Variants in GALNT9 observed in about 807,000 individuals in gnomAD.
GALNT9 encodes the protein GalNAc transferase 9.
Under a neutral mutation model 63.1 loss-of-function variants are expected in GALNT9, and 47 were observed. The ratio of observed to expected loss-of-function variants is 0.75; its 90% CI spans 0.59 to 0.95. GALNT9 has a LOEUF of 0.95. Ranked by LOEUF, GALNT9 falls within the 40% of genes least tolerant of loss-of-function variation. The probability of loss-of-function intolerance (pLI) is 0.00; values close to 1 mark genes in which losing one functional copy is unlikely to be tolerated. For synonymous variants in GALNT9, 396 were observed against 365.7 expected (o/e 1.08, Z -0.94); for missense variants, 829 against 874.8 (o/e 0.95, Z 0.66).
intron 3 of GALNT9, among the ~76,000 whole-genome samples, chr12:132,261,388 A>G (rs60582362): frequency 0.061 from 9,341 of 152,262 alleles, 969 homozygotes; most frequent in African/African-American, 0.21. Flanking sequence ...ACAGCAGCCC[A>G]TGCTGTGGAG....
chr12:132,300,672 C>T (rs1354749264), intron 1 of GALNT9, among the ~76,000 whole-genome samples: 2 of 150,734 alleles, frequency 1.3e-5, no homozygotes, highest in Non-Finnish European at 2.9e-5. Flanking sequence ...ATGACCAAGC[C>T]ACTCCTGAGA....
At chr12:132,205,118 G>T (rs1051902190) in intron 6 of GALNT9, among the ~76,000 whole-genome samples, 2 of 152,136 alleles carry the variant, frequency 1.3e-5, no homozygotes, top group African/African-American at 4.8e-5. Context: ...CCTCGTCCAG[G>T]CTGCTCTCAT....
At chr12:132,204,457 C>G (rs1470822114) in intron 6 of GALNT9, among the ~76,000 whole-genome samples, 3 of 152,154 alleles carry the variant, frequency 2.0e-5, no homozygotes, top group African/African-American at 7.2e-5. Context: ...AATCTGTCCC[C>G]TACAGGCCTG....
chr12:132,200,135 AG>A (rs1875912419), intron 8 of GALNT9, among the ~76,000 whole-genome samples: 1 of 152,226 alleles, frequency 6.6e-6, no homozygotes, highest in African/African-American at 2.4e-5. Flanking sequence ...TCTGTGCCCA[AG>A]GGACTGGAGT....
At chr12:132,224,550 C>CACCCCACAT (rs1295301765) in intron 6 of GALNT9, among the ~76,000 whole-genome samples, 9 of 18,566 alleles carry the variant, frequency 4.8e-4, no homozygotes, top group Non-Finnish European at 6.8e-4. Flanking sequence ...CCACACAACC[C>CACCCCACAT]ACACCCCACA....
chr12:132,305,739 G>A (rs1232251194), intron 1 of GALNT9, among the ~76,000 whole-genome samples: 2 of 152,168 alleles, frequency 1.3e-5, no homozygotes, highest in Admixed American at 6.5e-5. Flanking sequence ...CTGGAGCTCA[G>A]TTTGGGGAAT....
chr12:132,215,246 C>T, intron 6 of GALNT9, among the ~76,000 whole-genome samples: 1 of 152,268 alleles, frequency 6.6e-6, no homozygotes, highest in Non-Finnish European at 1.5e-5. Flanking sequence ...GTGACACAGC[C>T]CAGGCTCTCA....
intron 1 of GALNT9, among the ~76,000 whole-genome samples, chr12:132,295,466 A>T (rs144766350): frequency 1.3e-5 from 2 of 152,288 alleles, no homozygotes; most frequent in East Asian, 3.9e-4. Flanking sequence ...CGCTGACGTC[A>T]TCAAGGTAAG....
intron 6 of GALNT9, among the ~76,000 whole-genome samples, chr12:132,226,284 A>G (rs1877684124): frequency 6.8e-6 from 1 of 147,980 alleles, no homozygotes; most frequent in African/African-American, 2.5e-5. Context: ...CCCCACACAT[A>G]CACCTCATAC....
At chr12:132,225,730 A>T (rs1199755418) in intron 6 of GALNT9, among the ~76,000 whole-genome samples, 4 of 138,488 alleles carry the variant, frequency 2.9e-5, no homozygotes, top group Non-Finnish European at 3.1e-5. Context: ...CATACACACA[A>T]CACTGTACAT....
intron 1 of GALNT9, among the ~76,000 whole-genome samples, chr12:132,320,986 G>A (rs28712669): frequency 0.51 from 77,649 of 152,072 alleles, 20,192 homozygotes; most frequent in East Asian, 0.76. Context: ...GGCGGTCGAC[G>A]CCACAGTCAG....
In GALNT9 at chr12:132,197,774, C is replaced by A. The variant is rs1436262960; in HGVS notation, c.1665+18G>T. The A allele has an allele frequency of 2.0e-6, 3 of 1,528,738 alleles. No individual in the cohort carries two copies. In the South Asian group the frequency reaches 3.6e-5, roughly 18 times the overall value. The allele number at this position is 1,528,738 out of a possible 1,614,324, so 94.7% of individuals were successfully genotyped here. ...TGCCCCGCCCCAACCCCACGGCCCC[C>A]CTTCCCCAGAGGCTGACCTGGGTGA... On this transcript the variant is annotated intron_variant, in intron 10 of 10. Coordinates refer to ENST00000328957, the MANE Select transcript of GALNT9 (RefSeq NM_001122636.2).
At chr12:132,226,833 CACACACCATAT>C (rs1477702407) in intron 6 of GALNT9, among the ~76,000 whole-genome samples, 2 of 149,628 alleles carry the variant, frequency 1.3e-5, no homozygotes, top group Admixed American at 6.6e-5. Context: ...ACACACCCCA[CACACACCATAT>C]ACACACCCCA....
At chr12:132,326,702 C>T (rs1869050671) in intron 1 of GALNT9, among the ~76,000 whole-genome samples, 1 of 152,214 alleles carries the variant, frequency 6.6e-6, no homozygotes, top group Non-Finnish European at 1.5e-5. Flanking sequence ...CCTTTCTGAA[C>T]TCGGATGGAT....
At chr12:132,271,390 C>T (rs941487420) in intron 2 of GALNT9, among the ~76,000 whole-genome samples, 1 of 152,218 alleles carries the variant, frequency 6.6e-6, no homozygotes, top group Non-Finnish European at 1.5e-5. Flanking sequence ...CATCTGCCTT[C>T]TTGTGTGTTT....
chr12:132,304,374 C>G (rs369045137), intron 1 of GALNT9, among the ~76,000 whole-genome samples: 1 of 110,490 alleles, frequency 9.1e-6, no homozygotes, highest in African/African-American at 3.8e-5. Flanking sequence ...CAGCCTCACC[C>G]GGGCACACCC....
intron 1 of GALNT9, among the ~76,000 whole-genome samples, chr12:132,307,909 A>G (rs782356626): frequency 4.0e-5 from 6 of 149,322 alleles, no homozygotes; most frequent in Admixed American, 6.6e-5. Flanking sequence ...AGTGGCTCAC[A>G]CCTGTAATCC....
intron 6 of GALNT9, among the ~76,000 whole-genome samples, chr12:132,217,569 C>A (rs1416670260): frequency 6.8e-6 from 1 of 146,430 alleles, no homozygotes; most frequent in Non-Finnish European, 1.5e-5. Context: ...ATCCATCTAT[C>A]CATCCAGCCA....
chr12:132,276,925 T>TGCACACACATCTGTGGACACACAC (rs1420700965), intron 2 of GALNT9, among the ~76,000 whole-genome samples: 1 of 151,932 alleles, frequency 6.6e-6, no homozygotes, highest in East Asian at 1.9e-4. Flanking sequence ...TGTCCACACA[T>TGCACACACATCTGTGGACACACAC]GCACACACAT....
Sources: gnomAD v4.1 joint callset for allele counts (sites outside exome capture counted in the v4.1 genomes callset) on GRCh38, gnomAD v4.1.1 for gene constraint, MANE v1.5 for transcripts, NCBI Gene and HGNC (gene_info 2026-07-23, HGNC 2026-07-21) for gene names.